CRYGN: variants seen among roughly 807,000 people sequenced by gnomAD.
CRYGN encodes crystallin gamma N.
In CRYGN, 17 loss-of-function variants were observed where a neutral mutation model predicts 19.2. The observed-to-expected ratio is 0.89, with a 90% confidence interval of 0.61 to 1.33. The LOEUF (loss-of-function observed/expected upper bound fraction) is 1.33, where lower values mean the gene tolerates loss of function less well. Among genes scored for constraint, CRYGN ranks in the 40% most tolerant of loss-of-function variants. The pLI is 0.00. For synonymous variants in CRYGN, 84 were observed against 85.8 expected, an observed-to-expected ratio of 0.98 and a Z score of 0.12; for missense variants, 239 against 239.6, an observed-to-expected ratio of 1.00 and a Z score of 0.02.
In CRYGN at chr7:151,428,918, G is replaced by T. The variant is rs567426402; in HGVS notation, c.*1130C>A. 8.4e-4 allele frequency: 128 copies of T among 152,688 alleles called. 1 individual carries two copies. Among genetic ancestry groups the T allele is most frequent in the Non-Finnish European group, 1.2e-3 (82 of 68,036 alleles). The allele number at this position is 152,688 out of a possible 1,614,324, so 9.5% of individuals were successfully genotyped here. Reference sequence around the variant, plus strand: ...GGGAGCAGGGGGCTGGGGTGAGGGGGAGGTCACCCAGGAGCACAAAGCCCA... The same window carrying T: ...GGGAGCAGGGGGCTGGGGTGAGGGGTAGGTCACCCAGGAGCACAAAGCCCA... On this transcript the variant is annotated 3_prime_UTR_variant, in exon 4 of 4. Transcript: ENST00000337323.
At position 151,429,211 on chromosome 7, in the gene CRYGN, T is replaced by G. The variant is rs1801412980; in HGVS notation, c.*837A>C. 6.6e-6 allele frequency: 1 copy of G among 152,306 alleles called. No individual in the cohort carries two copies. Among genetic ancestry groups the G allele is most frequent in the Non-Finnish European group, 1.5e-5 (1 of 68,068 alleles). The allele number at this position is 152,306 out of a possible 1,614,324, so 9.4% of individuals were successfully genotyped here. A position where few individuals can be genotyped will look rare whatever the true frequency, so the allele number is the denominator to read the frequency against. On this transcript the variant is annotated 3_prime_UTR_variant, in exon 4 of 4. Transcript: ENST00000337323. Reference sequence around the variant, plus strand: ...AGACACACAGCAGTGGCTTCTCCAATGTCACATCCTAGTGAGGGATGGAGT... The same window carrying G: ...AGACACACAGCAGTGGCTTCTCCAAGGTCACATCCTAGTGAGGGATGGAGT...
rs367821165 is a variant in CRYGN, at chr7:151,430,388, C to T, written c.417-208G>A. ...TCCCACAGCAGTCATGGGGCCCCTC[C>T]GTCTTTGCCACCCAGCTCTTGGTGG... On this transcript the variant is annotated intron_variant, in intron 3 of 3. Transcript: ENST00000337323. The surrounding 1 kb of genome is among the most constrained non-coding windows in gnomAD (Gnocchi z 5.2). Among the ~76,000 whole-genome samples the T allele has an allele frequency of 1.3e-5, 2 of 152,126 alleles. No homozygotes were observed. The highest frequency in any genetic ancestry group is 2.4e-5 in the African/African-American group (1 of 41,490).
rs146240466 is a variant in CRYGN at position 151,436,323 on chromosome 7, G to A, written c.273C>T (p.His91=). The change falls in exon 3 of 4, where the codon CAC becomes CAT. Residue 91 remains histidine (H), a splice_region_variant and synonymous_variant. Coordinates refer to ENST00000337323, the MANE Select transcript of CRYGN (RefSeq NM_144727.3). This position sits in a 1 kb window ranked among gnomAD's most constrained non-coding sequence, Gnocchi z 5.1. ...AGATTTCTAGGCGGAAATGTTCTCC[G>A]TGCTCCAAGACCAAGCAAAAAAGAA... ...HMGSCRPVGM[H]GEHFRLEIFE... 46 of 1,566,062 alleles carry A rather than the reference G, an allele frequency of 2.9e-5. No individual in the cohort carries two copies. Among genetic ancestry groups the A allele is most frequent in the South Asian group, 1.3e-4 (11 of 83,472 alleles).
Position 151,431,960 on chromosome 7 carries a change from A to C in CRYGN, c.417-1780T>G. 5.5e-6 allele frequency: 2 copies of C among 365,486 alleles called. No homozygotes were observed. Among genetic ancestry groups the C allele is most frequent in the Non-Finnish European group, 9.7e-6 (2 of 205,670 alleles). 22.6% of individuals were successfully genotyped at this position (365,486 alleles called of 1,614,324 possible). On this transcript the variant is annotated intron_variant, in intron 3 of 3. Coordinates refer to ENST00000337323, the MANE Select transcript of CRYGN (RefSeq NM_144727.3). This position sits in a 1 kb window ranked among gnomAD's most constrained non-coding sequence, Gnocchi z 4.8. ...CTCCCTGGCCCAGGGGGTCCCTGGG[A>C]GTCCGGGAAAGCGCCCTGGATCATC... is the stretch of plus-strand genomic sequence containing the variant.
rs1801584055 is a variant in CRYGN, at chr7:151,435,626, C to T, written c.416+554G>A. Among the ~76,000 whole-genome samples, 1 of 151,720 alleles carries T rather than the reference C, an allele frequency of 6.6e-6. No homozygotes were observed. Among genetic ancestry groups the T allele is most frequent in the South Asian group, 2.1e-4 (1 of 4,812 alleles). On this transcript the variant is annotated intron_variant, in intron 3 of 3. Coordinates refer to ENST00000337323, the MANE Select transcript of CRYGN (RefSeq NM_144727.3). This position sits in a 1 kb window ranked among gnomAD's most constrained non-coding sequence, Gnocchi z 4.2. ...CTTTCTGTCCAGGAGTGAGCCACCCCGAAGTCCATCTCCTCCCAGAGGCCA... is the reference window on the plus strand; with the variant it reads ...CTTTCTGTCCAGGAGTGAGCCACCCTGAAGTCCATCTCCTCCCAGAGGCCA...
rs1237173796 is a variant in CRYGN, at chr7:151,436,023, G to A, written c.416+157C>T. ...TGACTGGGGCAGGTGAGGCAGCTGA[G>A]GAAAGGAGAGGGCCTGTGGGGCCAG... On this transcript the variant is annotated intron_variant, in intron 3 of 3. Transcript: ENST00000337323. This position sits in a 1 kb window ranked among gnomAD's most constrained non-coding sequence, Gnocchi z 5.1. 6.6e-6 allele frequency among the ~76,000 whole-genome samples: 1 copy of A among 152,130 alleles called. No individual in the cohort carries two copies. The highest frequency in any genetic ancestry group is 1.5e-5 in the Non-Finnish European group (1 of 68,012).
chr7:151,436,105 G>T lies in CRYGN; in HGVS notation c.416+75C>A. On this transcript the variant is annotated intron_variant, in intron 3 of 3. Transcript: ENST00000337323. The surrounding 1 kb of genome is among the most constrained non-coding windows in gnomAD (Gnocchi z 5.1). ...CCCACCCCACCCACCACCCCTGTGT[G>T]GCGGGCAGCCTCCCACGCCTGGTGC... 8.2e-7 allele frequency: 1 copy of T among 1,226,714 alleles called. No homozygotes were observed. Among genetic ancestry groups the T allele is most frequent in the Non-Finnish European group, 1.1e-6 (1 of 947,486 alleles). The allele number at this position is 1,226,714 out of a possible 1,614,324, so 76.0% of individuals were successfully genotyped here. A position where few individuals can be genotyped will look rare whatever the true frequency, so the allele number is the denominator to read the frequency against.
In CRYGN at chr7:151,431,676, G is replaced by A. The variant is rs1465727058; in HGVS notation, c.417-1496C>T. 6.6e-6 allele frequency: 1 copy of A among 152,580 alleles called. No individual in the cohort carries two copies. The highest frequency in any genetic ancestry group is 6.5e-5 in the Admixed American group (1 of 15,294). 9.5% of individuals were successfully genotyped at this position (152,580 alleles called of 1,614,324 possible). ...CTGTTTTCTCTCTCGCAGGAGAGGGGTCTGCCCTGGGTCGAAACCATCCTT... is the reference window on the plus strand; with the variant it reads ...CTGTTTTCTCTCTCGCAGGAGAGGGATCTGCCCTGGGTCGAAACCATCCTT... On this transcript the variant is annotated intron_variant, in intron 3 of 3. Coordinates refer to ENST00000337323, the MANE Select transcript of CRYGN (RefSeq NM_144727.3). This position sits in a 1 kb window ranked among gnomAD's most constrained non-coding sequence, Gnocchi z 4.8.
rs372754622 is a variant in CRYGN at position 151,430,044 on chromosome 7, A to G, written c.*4T>C. The G allele has an allele frequency of 2.1e-5, 21 of 1,000,854 alleles. No individual in the cohort carries two copies. In the East Asian group the frequency reaches 4.5e-4, roughly 21 times the overall value. 62.0% of individuals were successfully genotyped at this position (1,000,854 alleles called of 1,614,324 possible). A position where few individuals can be genotyped will look rare whatever the true frequency, so the allele number is the denominator to read the frequency against. On this transcript the variant is annotated 3_prime_UTR_variant, in exon 4 of 4. Coordinates refer to ENST00000337323, the MANE Select transcript of CRYGN (RefSeq NM_144727.3). The surrounding 1 kb of genome is among the most constrained non-coding windows in gnomAD (Gnocchi z 5.2). ...GTGCATTTACATGTCAATCGGTTCCAGGCTCAGAGGTTTGCAGTCAGGAAA... is the reference window on the plus strand; with the variant it reads ...GTGCATTTACATGTCAATCGGTTCCGGGCTCAGAGGTTTGCAGTCAGGAAA...
In CRYGN at chr7:151,440,114, C is replaced by T. The variant is rs993678212; in HGVS notation, c.-197G>A. On this transcript the variant is annotated 5_prime_UTR_variant, in exon 1 of 4. Transcript: ENST00000337323. ...CCACCGCGAGTGCAGCCCGCCCTGC[C>T]CGGGGTCTCCCTGTGCTCTCCGCGT... 1.5e-6 allele frequency: 2 copies of T among 1,360,150 alleles called. No individual in the cohort carries two copies. Among genetic ancestry groups the T allele is most frequent in the African/African-American group, 1.5e-5 (1 of 65,176 alleles). 84.3% of individuals were successfully genotyped at this position (1,360,150 alleles called of 1,614,324 possible).
In CRYGN at chr7:151,429,897, G is replaced by GAGGGC; in HGVS notation, c.*146_*150dup. The GAGGGC allele has an allele frequency of 1.5e-6, 1 of 682,036 alleles. No individual in the cohort carries two copies. The highest frequency in any genetic ancestry group is 1.7e-5 in the South Asian group (1 of 58,858). 42.2% of individuals were successfully genotyped at this position (682,036 alleles called of 1,614,324 possible). On this transcript the variant is annotated 3_prime_UTR_variant, in exon 4 of 4. Coordinates refer to ENST00000337323, the MANE Select transcript of CRYGN (RefSeq NM_144727.3). ...AGACAGGGCCCTTGCCATGGGTGGG[G>GAGGGC]AGGGCCTCCCGCTGGCAGATATGAC...
At chr7:151,434,399 C>A (rs1801548026) in intron 3 of CRYGN, among the ~76,000 whole-genome samples, 1 of 152,212 alleles carries the variant, frequency 6.6e-6, no homozygotes, top group Admixed American at 6.5e-5. Context: ...ATTTAGCCAG[C>A]AAGTTTTCCA....
Position 151,430,020 on chromosome 7 carries a change from T to A in CRYGN, c.*28A>T, listed in dbSNP as rs1801427331. 1.2e-6 allele frequency: 1 copy of A among 836,584 alleles called. No individual in the cohort carries two copies. The allele number at this position is 836,584 out of a possible 1,614,324, so 51.8% of individuals were successfully genotyped here. A position where few individuals can be genotyped will look rare whatever the true frequency, so the allele number is the denominator to read the frequency against. On this transcript the variant is annotated 3_prime_UTR_variant, in exon 4 of 4. Transcript: ENST00000337323. This position sits in a 1 kb window ranked among gnomAD's most constrained non-coding sequence, Gnocchi z 5.2. ...TCTCCCGGCTCAGAAACGGTGCAGG[T>A]GCATTTACATGTCAATCGGTTCCAG... is the stretch of plus-strand genomic sequence containing the variant.
chr7:151,430,270 G>T lies in CRYGN; in HGVS notation c.417-90C>A. 7.6e-7 allele frequency: 1 copy of T among 1,311,080 alleles called. No individual in the cohort carries two copies. The highest frequency in any genetic ancestry group is 2.6e-4 in the Middle Eastern group (1 of 3,804). The allele number at this position is 1,311,080 out of a possible 1,614,324, so 81.2% of individuals were successfully genotyped here. ...GACCCATCTACCACATGGCAGCAGGGAGCCCCTTCCCCTTTCCTGGGCGGA... is the reference window on the plus strand; with the variant it reads ...GACCCATCTACCACATGGCAGCAGGTAGCCCCTTCCCCTTTCCTGGGCGGA... On this transcript the variant is annotated intron_variant, in intron 3 of 3. Transcript: ENST00000337323. This position sits in a 1 kb window ranked among gnomAD's most constrained non-coding sequence, Gnocchi z 5.2.
chr7:151,439,250 T>G (rs1013752046), intron 1 of CRYGN: 2 of 152,260 alleles, frequency 1.3e-5, no homozygotes, highest in Non-Finnish European at 2.9e-5. Context: ...CCTTTGTTAC[T>G]GAAGCATCAC....
In CRYGN at chr7:151,431,579, C is replaced by T. The variant is rs538372746; in HGVS notation, c.417-1399G>A. Among the ~76,000 whole-genome samples, 19 of 152,256 alleles carry T rather than the reference C, an allele frequency of 1.2e-4. No individual in the cohort carries two copies. The highest frequency in any genetic ancestry group is 3.3e-4 in the Admixed American group (5 of 15,294). ...GACACGCCCCATGCCCCTTTCTCCC[C>T]GAAAGCCCCTCCATTCCCACAGAGC... On this transcript the variant is annotated intron_variant, in intron 3 of 3. Coordinates refer to ENST00000337323, the MANE Select transcript of CRYGN (RefSeq NM_144727.3). This position sits in a 1 kb window ranked among gnomAD's most constrained non-coding sequence, Gnocchi z 4.8.
In CRYGN at chr7:151,430,833, T is replaced by C. The variant is rs10952312; in HGVS notation, c.417-653A>G. 0.31 allele frequency among the ~76,000 whole-genome samples: 47,053 copies of C among 152,024 alleles called. 9,202 individuals are homozygous for C. The highest frequency in any genetic ancestry group is 0.56 in the African/African-American group (23,337 of 41,450). On this transcript the variant is annotated intron_variant, in intron 3 of 3. Transcript: ENST00000337323. The surrounding 1 kb of genome is among the most constrained non-coding windows in gnomAD (Gnocchi z 5.2). Reference sequence around the variant, plus strand: ...AACTGAGAGGCCAGTCGGGAGCCAGTTGGTTGGGGGGACTCTGGGATCGCA... The same window carrying C: ...AACTGAGAGGCCAGTCGGGAGCCAGCTGGTTGGGGGGACTCTGGGATCGCA...
chr7:151,431,984 T>G lies in CRYGN; in HGVS notation c.417-1804A>C. On this transcript the variant is annotated intron_variant, in intron 3 of 3. Transcript: ENST00000337323. The surrounding 1 kb of genome is among the most constrained non-coding windows in gnomAD (Gnocchi z 4.8). ...GAGTCCGGGAAAGCGCCCTGGATCATCCAGCTCCTCCCAGGGCTGGGATGC... is the reference window on the plus strand; with the variant it reads ...GAGTCCGGGAAAGCGCCCTGGATCAGCCAGCTCCTCCCAGGGCTGGGATGC... 1 of 387,634 alleles carries G rather than the reference T, an allele frequency of 2.6e-6. No individual in the cohort carries two copies. The highest frequency in any genetic ancestry group is 4.5e-6 in the Non-Finnish European group (1 of 220,288). 24.0% of individuals were successfully genotyped at this position (387,634 alleles called of 1,614,324 possible).
intron 1 of CRYGN, 126 bp from the exon 2 acceptor site, chr7:151,438,370 C>T: frequency 1.1e-6 from 1 of 942,090 alleles, no homozygotes; most frequent in Non-Finnish European, 1.6e-6. Context: ...CCCAGACCTG[C>T]TGCACACAGT....
Sources: allele counts gnomAD v4.1 joint callset (sites outside exome capture counted in the v4.1 genomes callset), GRCh38; gene constraint gnomAD v4.1.1; non-coding constraint Gnocchi (gnomAD v3.1); transcripts MANE v1.5; gene names NCBI Gene and HGNC (gene_info 2026-07-23, HGNC 2026-07-21).